Variants in G6PC2 observed in about 807,000 individuals in gnomAD.
G6PC2 encodes the protein glucose-6-phosphatase catalytic subunit 2.
A neutral mutation model predicts 35.4 loss-of-function variants in G6PC2; 41 were observed. The ratio of observed to expected loss-of-function variants is 1.16; its 90% CI spans 0.90 to 1.50. The LOEUF (loss-of-function observed/expected upper bound fraction) is 1.50, where lower values mean the gene tolerates loss of function less well. G6PC2 is among the 40% of genes most tolerant of loss of function. The pLI is 0.00. For synonymous variants in G6PC2, 165 were observed against 153.2 expected, an observed-to-expected ratio of 1.08 and a Z score of -0.57; for missense variants, 441 against 426.5, an observed-to-expected ratio of 1.03 and a Z score of -0.30.
At chr2:168,906,235 TGA>T (rs1690707903) in intron 3 of G6PC2, among the ~76,000 whole-genome samples, 1 of 152,050 alleles carries the variant, frequency 6.6e-6, no homozygotes, top group African/African-American at 2.4e-5. Context: ...GCGTTTCTAC[TGA>T]GTTTTCCTCA....
In G6PC2 at chr2:168,908,400, C is replaced by T; in HGVS notation, c.*321C>T. Reference sequence around the variant, plus strand: ...ACCAGAGCTGCATACTAACAGTCCCCAGTAGGAGGCAAGGACTCCATTTTC... The same window carrying T: ...ACCAGAGCTGCATACTAACAGTCCCTAGTAGGAGGCAAGGACTCCATTTTC... On this transcript the variant is annotated 3_prime_UTR_variant, in exon 5 of 5. Transcript: ENST00000375363. The T allele has an allele frequency of 2.5e-6, 1 of 405,840 alleles. No individual in the cohort carries two copies. The highest frequency in any genetic ancestry group is 2.6e-5 in the South Asian group (1 of 38,164). The allele number at this position is 405,840 out of a possible 1,614,324, so 25.1% of individuals were successfully genotyped here.
Position 168,904,530 on chromosome 2 carries a change from C to G in G6PC2, c.354C>G (p.Gly118=). The change falls in exon 3 of 5, where the codon GGC becomes GGG. Residue 118 remains glycine, a synonymous_variant. Transcript: ENST00000375363. ...GPGSPSGHAM[G]ASCVWYVMVT... ...GAAGTCCATCTGGCCATGCAATGGG[C>G]GCATCCTGTGTCTGGTATGTCATGG... 2 of 1,608,926 alleles carry G rather than the reference C, an allele frequency of 1.2e-6. No individual in the cohort carries two copies. The highest frequency in any genetic ancestry group is 1.7e-6 in the Non-Finnish European group (2 of 1,175,348).
At position 168,905,939 on chromosome 2, in the gene G6PC2, C is replaced by T. The variant is rs188467954; in HGVS notation, c.441-725C>T. On this transcript the variant is annotated intron_variant, in intron 3 of 4. Transcript: ENST00000375363. ...ATTCAAGGATTCCTAGAACTCAATA[C>T]TGCTAACACTTTTTTTTTTCAATGA... 2.2e-3 allele frequency among the ~76,000 whole-genome samples: 336 copies of T among 150,916 alleles called. 2 individuals carry two copies. Among genetic ancestry groups the T allele is most frequent in the Non-Finnish European group, 3.5e-3 (235 of 67,972 alleles).
chr2:168,906,610 T>C (rs1690717334), intron 3 of G6PC2, 54 bp from the exon 4 acceptor site: 1 of 853,726 alleles, frequency 1.2e-6, no homozygotes, highest in East Asian at 2.4e-5. Context: ...CCCTCTAATT[T>C]TGAGTGATCC....
chr2:168,906,547 G>A, intron 3 of G6PC2, 117 bp from the exon 4 acceptor site: 1 of 725,458 alleles, frequency 1.4e-6, no homozygotes. Context: ...CTAGAATCAT[G>A]ATGCTATGTC....
rs1308224673 is a variant in G6PC2 at position 168,908,384 on chromosome 2, G to T, written c.*305G>T. Reference sequence around the variant, plus strand: ...CAGCTGGAGACAACTGACCAGAGCTGCATACTAACAGTCCCCAGTAGGAGG... The same window carrying T: ...CAGCTGGAGACAACTGACCAGAGCTTCATACTAACAGTCCCCAGTAGGAGG... On this transcript the variant is annotated 3_prime_UTR_variant, in exon 5 of 5. Coordinates refer to ENST00000375363, the MANE Select transcript of G6PC2 (RefSeq NM_021176.3). 4.4e-6 allele frequency: 2 copies of T among 453,410 alleles called. No homozygotes were observed. Among genetic ancestry groups the T allele is most frequent in the Non-Finnish European group, 8.0e-6 (2 of 249,444 alleles). The allele number at this position is 453,410 out of a possible 1,614,324, so 28.1% of individuals were successfully genotyped here.
chr2:168,906,543 T>G (rs1690716062), intron 3 of G6PC2, 121 bp from the exon 4 acceptor site: 1 of 716,600 alleles, frequency 1.4e-6, no homozygotes, highest in Admixed American at 2.0e-5. Context: ...GATTCTAGAA[T>G]CATGATGCTA....
intron 3 of G6PC2, 140 bp from the exon 4 acceptor site, chr2:168,906,524 G>GA (rs1318778369): frequency 2.1e-5 from 14 of 673,856 alleles, no homozygotes; most frequent in Admixed American, 6.8e-5. Context: ...ACAACATTTT[G>GA]AAAAAAAAGA....
chr2:168,907,584 G>C lies in G6PC2; in HGVS notation c.573G>C (p.Glu191Asp). ...AATCCTCAGGCATGCTGGTGGCAGAGGCCTTTGAACACACTCCAGGCATCC... is the reference window on the plus strand; with the variant it reads ...AATCCTCAGGCATGCTGGTGGCAGACGCCTTTGAACACACTCCAGGCATCC... ...LGVIGGMLVA[E>D]AFEHTPGIQT... Residue 191 changes from glutamate to aspartate, a missense_variant, in exon 5 of 5, where the codon GAG becomes GAC. By Grantham distance (45) the Glu-to-Asp change is conservative. Transcript: ENST00000375363. The C allele has an allele frequency of 6.2e-7, 1 of 1,614,052 alleles. No homozygotes were observed. The highest frequency in any genetic ancestry group is 8.5e-7 in the Non-Finnish European group (1 of 1,179,928).
intron 2 of G6PC2, among the ~76,000 whole-genome samples, chr2:168,904,292 C>G (rs925175923): frequency 6.6e-6 from 1 of 151,986 alleles, no homozygotes; most frequent in Non-Finnish European, 1.5e-5. Context: ...ACCTGAAAAT[C>G]TGGGAAAAAA....
rs1690758545 is a variant in G6PC2 at position 168,908,045 on chromosome 2, T to G, written c.1034T>G (p.Met345Arg). 2 of 1,613,186 alleles carry G rather than the reference T, an allele frequency of 1.2e-6. No homozygotes were observed. Among genetic ancestry groups the G allele is most frequent in the Non-Finnish European group, 8.5e-7 (1 of 1,179,484 alleles). Residue 345 changes from methionine (M) to arginine (R), a missense_variant, in exon 5 of 5, where the codon ATG (methionine) becomes AGG (arginine). Physicochemically the swap from Met to Arg is moderately conservative, Grantham distance 91. Transcript: ENST00000375363. ...VVAFIPYSVH[M>R]LMKQSGKKSQ is the part of the protein sequence containing the mutation. ...GCTTTCATTCCCTACTCTGTTCATA[T>G]GTTAATGAAACAAAGCGGAAAGAAG...
At chr2:168,903,264 A>G (rs749706119) in intron 2 of G6PC2, among the ~76,000 whole-genome samples, 4 of 152,354 alleles carry the variant, frequency 2.6e-5, no homozygotes, top group Admixed American at 1.3e-4. Flanking sequence ...ATAGCATAAC[A>G]TTCTCGCCAG....
rs1389894694 is a variant in G6PC2, at chr2:168,909,711, T to A, written c.*1632T>A. 1 of 152,192 alleles carries A rather than the reference T, an allele frequency of 6.6e-6. No homozygotes were observed. Among genetic ancestry groups the A allele is most frequent in the Non-Finnish European group, 1.5e-5 (1 of 68,030 alleles). The allele number at this position is 152,192 out of a possible 1,614,324, so 9.4% of individuals were successfully genotyped here. A position where few individuals can be genotyped will look rare whatever the true frequency, so the allele number is the denominator to read the frequency against. On this transcript the variant is annotated 3_prime_UTR_variant, in exon 5 of 5. Transcript: ENST00000375363. ...CAGATTTTGCTAGATATCTTAGTAA[T>A]CCCCCACAATGTTTTATGTAACTCT...
In G6PC2 at chr2:168,906,717, G is replaced by A; in HGVS notation, c.494G>A (p.Cys165Tyr). 1.2e-6 allele frequency: 2 copies of A among 1,608,020 alleles called. No individual in the cohort carries two copies. Among genetic ancestry groups the A allele is most frequent in the South Asian group, 2.2e-5 (2 of 90,984 alleles). The change falls in exon 4 of 5, where the codon TGC becomes TAC. Residue 165 changes from cysteine to tyrosine, a missense_variant. Coordinates refer to ENST00000375363, the MANE Select transcript of G6PC2 (RefSeq NM_021176.3). Reference protein sequence around the residue: ...SVFWLIQISVCISRVFIATHF... With the variant: ...SVFWLIQISVYISRVFIATHF... ...TTTTGGTTGATTCAAATCAGTGTCTGCATCTCCAGAGTATTCATAGCAACA... is the reference window on the plus strand; with the variant it reads ...TTTTGGTTGATTCAAATCAGTGTCTACATCTCCAGAGTATTCATAGCAACA...
chr2:168,905,786 A>G (rs371363997), intron 3 of G6PC2, among the ~76,000 whole-genome samples: 1 of 152,050 alleles, frequency 6.6e-6, no homozygotes, highest in African/African-American at 2.4e-5. Context: ...TTACCTTTAC[A>G]TTACCAAATT....
In G6PC2 at chr2:168,902,528, T is replaced by C. The variant is rs1482889460; in HGVS notation, c.302T>C (p.Phe101Ser). Residue 101 changes from phenylalanine (F) to serine (S), a missense_variant, in exon 2 of 5, where the codon TTC becomes TCC. By Grantham distance (155) the Phe-to-Ser change is radical (BLOSUM62 -2). Transcript: ENST00000375363. Reference protein sequence around the residue: ...PNHSSPCLEQFPTTCETGPGS... With the variant: ...PNHSSPCLEQSPTTCETGPGS... ...CACTCAAGTCCATGCCTTGAACAGT[T>C]CCCTACTACATGTGAAACAGGTCCA... 1 of 1,542,434 alleles carries C rather than the reference T, an allele frequency of 6.5e-7. No individual in the cohort carries two copies. Among genetic ancestry groups the C allele is most frequent in the South Asian group, 1.1e-5 (1 of 89,666 alleles).
rs568408118 is a variant in G6PC2, at chr2:168,907,304, A to G, written c.557-264A>G. Reference sequence around the variant, plus strand: ...AATGTTAATTGCAAGTACCTAGATCAGTGCTCTGTCTAAAAAGCGGGTTGT... The same window carrying G: ...AATGTTAATTGCAAGTACCTAGATCGGTGCTCTGTCTAAAAAGCGGGTTGT... On this transcript the variant is annotated intron_variant, in intron 4 of 4. Coordinates refer to ENST00000375363, the MANE Select transcript of G6PC2 (RefSeq NM_021176.3). 2.6e-4 allele frequency among the ~76,000 whole-genome samples: 40 copies of G among 152,354 alleles called. 2 individuals carry two copies. In the South Asian group the frequency reaches 8.3e-3, roughly 32 times the overall value.
At chr2:168,906,595 T>G in intron 3 of G6PC2, 69 bp from the exon 4 acceptor site, 1 of 793,166 alleles carries the variant, frequency 1.3e-6, no homozygotes, top group Non-Finnish European at 2.3e-6. Context: ...TCATCTGATG[T>G]CACCCCCTCT....
intron 3 of G6PC2, among the ~76,000 whole-genome samples, chr2:168,905,063 C>T (rs552859922): frequency 2.0e-5 from 3 of 152,302 alleles, no homozygotes; most frequent in African/African-American, 4.8e-5. Flanking sequence ...ATAGCCAATG[C>T]TTTTGATTTC....
Sources: allele counts gnomAD v4.1 joint callset (sites outside exome capture counted in the v4.1 genomes callset), GRCh38; gene constraint gnomAD v4.1.1; transcripts MANE v1.5; gene names NCBI Gene and HGNC (gene_info 2026-07-23, HGNC 2026-07-21).